The following TBC1D31 variants were observed in gnomAD, a reference collection of about 807,000 sequenced individuals.
TBC1D31 encodes the protein TBC1 domain family member 31.
TBC1D31 carries 99 observed loss-of-function variants against 132.9 expected under a neutral mutation model. The observed-to-expected ratio is 0.74, with a 90% CI of 0.63 to 0.88. The LOEUF (loss-of-function observed/expected upper bound fraction) is 0.88. Among genes scored for constraint, TBC1D31 ranks in the 40% least tolerant of loss-of-function variants. The pLI, the probability that TBC1D31 is intolerant of heterozygous loss-of-function variation, is 0.00. For missense variants in TBC1D31, 1,134 were observed against 1,256.6 expected (o/e 0.90, Z 1.48); for synonymous variants, 385 against 419.4 (o/e 0.92, Z 1.00).
Position 123,097,370 on chromosome 8 carries a change from A to G in TBC1D31, c.760A>G (p.Met254Val). The G allele has an allele frequency of 1.2e-6, 2 of 1,614,166 alleles. No individual in the cohort carries two copies. The highest frequency in any genetic ancestry group is 1.7e-6 in the Non-Finnish European group (2 of 1,180,040). Residue 254 changes from methionine (M) to valine (V), a missense_variant, in exon 6 of 22, where the codon ATG becomes GTG. Coordinates refer to ENST00000287380, the MANE Select transcript of TBC1D31 (RefSeq NM_145647.4). ...EARQLFRIIQ[M>V]PTKVRAIRHL... ...TAGGCAGCTCTTTAGAATTATCCAG[A>G]TGCCCACTAAAGTTCGAGCCATTCG...
chr8:123,159,870 AAG>A, the TBC1D31 span, among the ~76,000 whole-genome samples: 1 of 152,180 alleles, frequency 6.6e-6, no homozygotes, highest in African/African-American at 2.4e-5. Flanking sequence ...GGGTGAGAGG[AAG>A]ACTCTTTTTA....
intron 8 of TBC1D31, among the ~76,000 whole-genome samples, chr8:123,106,173 GC>G (rs1817904754): frequency 6.6e-6 from 1 of 152,098 alleles, no homozygotes; most frequent in African/African-American, 2.4e-5. Context: ...CATGTAATCA[GC>G]TGTGGTCCAA....
At chr8:123,090,588 A>C (rs1347292816) in intron 4 of TBC1D31, among the ~76,000 whole-genome samples, 1 of 152,180 alleles carries the variant, frequency 6.6e-6, no homozygotes, top group African/African-American at 2.4e-5. Context: ...TAAATATACA[A>C]ATAATACATT....
chr8:123,075,504 C>T (rs1381564018), intron 1 of TBC1D31, among the ~76,000 whole-genome samples: 1 of 152,084 alleles, frequency 6.6e-6, no homozygotes, highest in Non-Finnish European at 1.5e-5. Flanking sequence ...AAGTTTGAGA[C>T]CAGCCTGGCC....
Position 123,097,308 on chromosome 8 carries a change from G to T in TBC1D31, c.698G>T (p.Gly233Val). ...TRDGRILAAGGKSNHLHLWCL... is the reference protein window; with the variant it reads ...TRDGRILAAGVKSNHLHLWCL... Reference sequence around the variant, plus strand: ...GATGGCCGAATCCTGGCTGCTGGAGGCAAGTCAAATCATCTTCATTTGTGG... The same window carrying T: ...GATGGCCGAATCCTGGCTGCTGGAGTCAAGTCAAATCATCTTCATTTGTGG... The change falls in exon 6 of 22, where the codon GGC (glycine) becomes GTC (valine). Residue 233 changes from glycine (G) to valine (V), a missense_variant. Coordinates refer to ENST00000287380, the MANE Select transcript of TBC1D31 (RefSeq NM_145647.4). 6.2e-7 allele frequency: 1 copy of T among 1,614,036 alleles called. No homozygotes were observed. The highest frequency in any genetic ancestry group is 8.5e-7 in the Non-Finnish European group (1 of 1,179,990).
At chr8:123,093,767 GA>G in intron 5 of TBC1D31, 25 bp downstream of exon 5, 2 of 1,361,308 alleles carry the variant, frequency 1.5e-6, no homozygotes, top group Non-Finnish European at 1.9e-6. Flanking sequence ...AAGACACTAG[GA>G]ATATTTAAGA....
chr8:123,134,677 G>T lies in TBC1D31; in HGVS notation c.2499+471G>T, dbSNP rs1388827696. 2.6e-5 allele frequency among the ~76,000 whole-genome samples: 4 copies of T among 152,188 alleles called. No individual in the cohort carries two copies. In the East Asian group the frequency reaches 7.7e-4, roughly 29 times the overall value. On this transcript the variant is annotated intron_variant, in intron 17 of 21. Coordinates refer to ENST00000287380, the MANE Select transcript of TBC1D31 (RefSeq NM_145647.4). ...TGTAAGGTAGCCAAAATGTCTGAAT[G>T]TACAGTTTGTTGTAATTATTTAATT...
At chr8:123,136,325 A>G (rs1821086067) in intron 17 of TBC1D31, among the ~76,000 whole-genome samples, 1 of 152,184 alleles carries the variant, frequency 6.6e-6, no homozygotes, top group African/African-American at 2.4e-5. Context: ...TGACATTGAT[A>G]TTTTTTGAAG....
intron 5 of TBC1D31, among the ~76,000 whole-genome samples, chr8:123,094,341 C>T (rs1816641919): frequency 6.6e-6 from 1 of 151,918 alleles, no homozygotes; most frequent in African/African-American, 2.4e-5. Context: ...GGATTACAGG[C>T]ATGAGCCACC....
chr8:123,077,402 C>A, intron 2 of TBC1D31, 145 bp downstream of exon 2: 1 of 728,392 alleles, frequency 1.4e-6, no homozygotes, highest in Non-Finnish European at 2.0e-6. Context: ...GTCATAAGTG[C>A]TAAAGGACGA....
intron 2 of TBC1D31, among the ~76,000 whole-genome samples, chr8:123,079,112 C>T (rs544311029): frequency 1.8e-4 from 27 of 152,222 alleles, no homozygotes; most frequent in South Asian, 2.1e-4. Flanking sequence ...GTGCTGATAT[C>T]TCTACAAGGG....
intron 4 of TBC1D31, among the ~76,000 whole-genome samples, chr8:123,090,084 G>A (rs1816185584): frequency 6.6e-6 from 1 of 152,164 alleles, no homozygotes; most frequent in African/African-American, 2.4e-5. Context: ...TTTGTAAGCA[G>A]TAATAGCAGT....
At chr8:123,081,337 G>T (rs1361563344) in intron 2 of TBC1D31, among the ~76,000 whole-genome samples, 1 of 152,048 alleles carries the variant, frequency 6.6e-6, no homozygotes, top group Non-Finnish European at 1.5e-5. Flanking sequence ...AAACACTGTT[G>T]ACTTAGACCT....
the TBC1D31 span, among the ~76,000 whole-genome samples, chr8:123,164,877 A>G: frequency 8.5e-5 from 13 of 152,336 alleles, no homozygotes; most frequent in Admixed American, 5.2e-4. Context: ...GGTTTTAGGT[A>G]TCTATGTAAG....
At chr8:123,118,529 C>A (rs1486496615) in intron 10 of TBC1D31, among the ~76,000 whole-genome samples, 1 of 152,012 alleles carries the variant, frequency 6.6e-6, no homozygotes, top group African/African-American at 2.4e-5. Context: ...GAATAAAAAT[C>A]TCTACATGTA....
At chr8:123,099,068 G>A (rs1817105991) in intron 6 of TBC1D31, among the ~76,000 whole-genome samples, 1 of 152,118 alleles carries the variant, frequency 6.6e-6, no homozygotes, top group Non-Finnish European at 1.5e-5. Flanking sequence ...AGGCAGCATG[G>A]GGGTTTATTT....
At chr8:123,122,900 A>C (rs1406653310) in intron 11 of TBC1D31, among the ~76,000 whole-genome samples, 1 of 152,148 alleles carries the variant, frequency 6.6e-6, no homozygotes, top group Non-Finnish European at 1.5e-5. Flanking sequence ...GGTCAGCATG[A>C]GTGGTGGATT....
intron 6 of TBC1D31, among the ~76,000 whole-genome samples, chr8:123,099,776 A>G (rs1817202131): frequency 6.6e-6 from 1 of 152,186 alleles, no homozygotes; most frequent in Non-Finnish European, 1.5e-5. Flanking sequence ...AGACTGGGTA[A>G]TTTATAAACA....
chr8:123,111,515 A>G (rs1288984296), intron 10 of TBC1D31, among the ~76,000 whole-genome samples: 1 of 152,186 alleles, frequency 6.6e-6, no homozygotes, highest in Non-Finnish European at 1.5e-5. Flanking sequence ...AGTACATAGA[A>G]CCAGGAGTTC....
Sources: allele counts gnomAD v4.1 joint callset (sites outside exome capture counted in the v4.1 genomes callset), GRCh38; gene constraint gnomAD v4.1.1; transcripts MANE v1.5; gene names NCBI Gene and HGNC (gene_info 2026-07-23, HGNC 2026-07-21).